The following TLDC2 variants were observed in gnomAD, a reference collection of about 807,000 sequenced individuals.
TLDC2 encodes the protein TBC/LysM-associated domain containing 2.
Under a neutral mutation model 27.9 loss-of-function variants are expected in TLDC2, and 23 were observed. The observed-to-expected ratio is 0.82, with a 90% CI of 0.59 to 1.17. The LOEUF is 1.17. Ranked by LOEUF, TLDC2 falls within the 50% of genes most tolerant of loss-of-function variation. The pLI, the probability that TLDC2 is intolerant of heterozygous loss-of-function variation, is 0.00. For synonymous variants in TLDC2, 124 were observed against 107.4 expected, an observed-to-expected ratio of 1.16 and a Z score of -0.96; for missense variants, 286 against 273.4, an observed-to-expected ratio of 1.05 and a Z score of -0.32.
intron 4 of TLDC2, among the ~76,000 whole-genome samples, chr20:36,885,042 AATTTTTGT>A (rs929151444): frequency 6.6e-5 from 10 of 151,804 alleles, no homozygotes; most frequent in African/African-American, 1.9e-4. Flanking sequence ...ACGCCCAGCT[AATTTTTGT>A]ATTTTTAGTA....
chr20:36,886,570 C>A (rs1989925752), intron 4 of TLDC2, among the ~76,000 whole-genome samples: 1 of 151,942 alleles, frequency 6.6e-6, no homozygotes, highest in Non-Finnish European at 1.5e-5. Flanking sequence ...TCCAGCCTGG[C>A]AAAAGAGCGA....
chr20:36,890,402 C>CTTTCTTTCTTTCTTTCTTTCTT (rs1990038099), intron 6 of TLDC2: 1 of 148,490 alleles, frequency 6.7e-6, no homozygotes. Context: ...CTTTCTCTTT[C>CTTTCTTTCTTTCTTTCTTTCTT]TTTCTTTCTT....
rs1990123106 is a variant in TLDC2 at position 36,893,195 on chromosome 20, A to G, written c.*351A>G. ...GATTGCTTCTAGCTGTCCTCAATCC[A>G]GGGAAACTCCAAATTACATATGCCC... is the stretch of plus-strand genomic sequence containing the variant. On this transcript the variant is annotated 3_prime_UTR_variant, in exon 7 of 7. Coordinates refer to ENST00000217320, the MANE Select transcript of TLDC2 (RefSeq NM_080628.3). 7 of 1,150,756 alleles carry G rather than the reference A, an allele frequency of 6.1e-6. No homozygotes were observed. Among genetic ancestry groups the G allele is most frequent in the Non-Finnish European group, 2.5e-6 (2 of 790,218 alleles). The allele number at this position is 1,150,756 out of a possible 1,614,324, so 71.3% of individuals were successfully genotyped here.
intron 4 of TLDC2, 77 bp downstream of exon 4, chr20:36,880,827 C>A (rs1989799517): frequency 1.5e-6 from 2 of 1,312,556 alleles, no homozygotes; most frequent in Middle Eastern, 2.0e-4. Context: ...TGGCTCCCAG[C>A]TCCATCCTCC....
intron 5 of TLDC2, among the ~76,000 whole-genome samples, chr20:36,888,317 C>T (rs996484650): frequency 1.3e-5 from 2 of 151,710 alleles, no homozygotes; most frequent in Non-Finnish European, 2.9e-5. Flanking sequence ...CCACACCCTC[C>T]GACTCCTGGG....
At chr20:36,881,336 C>T (rs908407366) in intron 4 of TLDC2, among the ~76,000 whole-genome samples, 2 of 151,040 alleles carry the variant, frequency 1.3e-5, no homozygotes, top group African/African-American at 4.9e-5. Context: ...GCCATGATCG[C>T]ACCACTGCAT....
chr20:36,893,756 A>C lies in TLDC2; in HGVS notation c.*912A>C. On this transcript the variant is annotated 3_prime_UTR_variant, in exon 7 of 7. Transcript: ENST00000217320. ...AGAGCCTCTGTTGTACCAGGAATACAATGCTGGTGGGAGGATTCGTGCTCC... is the reference window on the plus strand; with the variant it reads ...AGAGCCTCTGTTGTACCAGGAATACCATGCTGGTGGGAGGATTCGTGCTCC... 1 of 396,422 alleles carries C rather than the reference A, an allele frequency of 2.5e-6. No individual in the cohort carries two copies. 24.6% of individuals were successfully genotyped at this position (396,422 alleles called of 1,614,324 possible).
intron 5 of TLDC2, among the ~76,000 whole-genome samples, chr20:36,888,802 C>A (rs1392613003): frequency 1.3e-5 from 2 of 151,312 alleles, no homozygotes; most frequent in African/African-American, 4.9e-5. Context: ...AGGCAGATCG[C>A]TTGAGGTCAG....
At chr20:36,888,307 C>G (rs1320198515) in intron 5 of TLDC2, among the ~76,000 whole-genome samples, 2 of 151,730 alleles carry the variant, frequency 1.3e-5, no homozygotes, top group African/African-American at 4.8e-5. Flanking sequence ...TCTCAGCTCA[C>G]CACACCCTCC....
chr20:36,893,060 C>T lies in TLDC2; in HGVS notation c.*216C>T, dbSNP rs202165710. On this transcript the variant is annotated 3_prime_UTR_variant, in exon 7 of 7. Transcript: ENST00000217320. ...GGTGTTATGAGTGGGGCTATAACAT[C>T]GCCATCCTATTAGGAAGAGAGAGAA... 2.1e-4 allele frequency: 339 copies of T among 1,612,900 alleles called. No homozygotes were observed. The highest frequency in any genetic ancestry group is 2.8e-4 in the Non-Finnish European group (329 of 1,179,952).
At chr20:36,891,052 A>T (rs1391630618) in intron 6 of TLDC2, 1 of 152,194 alleles carries the variant, frequency 6.6e-6, no homozygotes, top group East Asian at 1.9e-4. Context: ...ACCCCTATAG[A>T]GGCACCTTGG....
chr20:36,887,555 TG>T (rs1568752682), intron 5 of TLDC2, 27 bp downstream of exon 5: 1 of 1,605,806 alleles, frequency 6.2e-7, no homozygotes, highest in Non-Finnish European at 8.5e-7. Flanking sequence ...TCCCGAGTCT[TG>T]GGGCGGTCTG....
intron 3 of TLDC2, among the ~76,000 whole-genome samples, chr20:36,880,268 A>G (rs574686539): frequency 1.3e-4 from 20 of 151,314 alleles, no homozygotes; most frequent in African/African-American, 4.8e-4. Flanking sequence ...TAATTTTTGT[A>G]TGTTTAGTAG....
At chr20:36,885,589 C>A (rs554589131) in intron 4 of TLDC2, among the ~76,000 whole-genome samples, 1 of 152,296 alleles carries the variant, frequency 6.6e-6, no homozygotes, top group Non-Finnish European at 1.5e-5. Flanking sequence ...ATTCTGTCCC[C>A]TTGTGGTCAC....
intron 5 of TLDC2, among the ~76,000 whole-genome samples, chr20:36,888,020 C>A (rs898940392): frequency 6.6e-6 from 1 of 152,130 alleles, no homozygotes; most frequent in Non-Finnish European, 1.5e-5. Flanking sequence ...TTGATTAGTA[C>A]CAGGCAAATT....
intron 2 of TLDC2, among the ~76,000 whole-genome samples, chr20:36,878,590 A>G (rs1989728236): frequency 1.3e-5 from 2 of 152,086 alleles, no homozygotes; most frequent in South Asian, 4.2e-4. Context: ...CAAAAGAAAA[A>G]AAGGAAAGAA....
chr20:36,893,028 T>A lies in TLDC2; in HGVS notation c.*184T>A, dbSNP rs1245985032. The A allele has an allele frequency of 6.2e-7, 1 of 1,614,026 alleles. No individual in the cohort carries two copies. On this transcript the variant is annotated 3_prime_UTR_variant, in exon 7 of 7. Coordinates refer to ENST00000217320, the MANE Select transcript of TLDC2 (RefSeq NM_080628.3). ...CTGAAGTACTGTCGTTCCATTCCTT[T>A]TTTTGAGGTGTTATGAGTGGGGCTA...
At chr20:36,882,822 G>C (rs894789449) in intron 4 of TLDC2, among the ~76,000 whole-genome samples, 1 of 152,194 alleles carries the variant, frequency 6.6e-6, no homozygotes, top group East Asian at 1.9e-4. Context: ...ATCACCACTT[G>C]CCTTCCTGAA....
At chr20:36,888,354 CTCGAGTAGCTGGGACAACAG>C (rs1989972366) in intron 5 of TLDC2, among the ~76,000 whole-genome samples, 1 of 151,758 alleles carries the variant, frequency 6.6e-6, no homozygotes, top group Non-Finnish European at 1.5e-5. Context: ...GCCTCAGCGT[CTCGAGTAGCTGGGACAACAG>C]TTGCCCACCA....
Sources: allele counts gnomAD v4.1 joint callset (sites outside exome capture counted in the v4.1 genomes callset), GRCh38; gene constraint gnomAD v4.1.1; transcripts MANE v1.5; gene names NCBI Gene and HGNC (gene_info 2026-07-23, HGNC 2026-07-21).